LIN37: variants seen among roughly 807,000 people sequenced by gnomAD.
LIN37 encodes the protein protein lin-37 homolog.
A neutral mutation model predicts 38.0 loss-of-function variants in LIN37; 21 were observed. The observed-to-expected ratio is 0.55, with a 90% CI of 0.39 to 0.80. The LOEUF (loss-of-function observed/expected upper bound fraction) is 0.80. LIN37 is among the 30% of genes least tolerant of loss of function. The pLI is 0.00. For missense variants in LIN37, 273 were observed against 338.5 expected (o/e 0.81, Z 1.52); for synonymous variants, 126 against 122.9 (o/e 1.03, Z -0.17).
intron 1 of LIN37, among the ~76,000 whole-genome samples, chr19:35,750,302 TC>T (rs1970664215): frequency 6.6e-6 from 1 of 152,108 alleles, no homozygotes; most frequent in Non-Finnish European, 1.5e-5. Flanking sequence ...GTGGACGTGA[TC>T]CGTACCCTCT....
chr19:35,748,848 T>C, intron 1 of LIN37, 90 bp downstream of exon 1: 1 of 1,607,026 alleles, frequency 6.2e-7, no homozygotes, highest in South Asian at 1.1e-5. Context: ...GAAAGGGGAC[T>C]GCACGACTTT....
Position 35,748,600 on chromosome 19 carries a change from A to T in LIN37, c.-125A>T, listed in dbSNP as rs892997555. ...CACGGTCCAGGCTGGACACAACCAA[A>T]GGCGGAGGACCCGTGGCCCACGAAG... On this transcript the variant is annotated 5_prime_UTR_variant, in exon 1 of 9. In the 5' UTR this introduces an upstream ATG that the reference lacks. Coordinates refer to ENST00000301159, the MANE Select transcript of LIN37 (RefSeq NM_019104.3). 4.8e-5 allele frequency: 65 copies of T among 1,342,518 alleles called. No individual in the cohort carries two copies. In the East Asian group the frequency reaches 1.4e-3, roughly 28 times the overall value. The allele number at this position is 1,342,518 out of a possible 1,614,324, so 83.2% of individuals were successfully genotyped here. A position where few individuals can be genotyped will look rare whatever the true frequency, so the allele number is the denominator to read the frequency against.
intron 6 of LIN37, chr19:35,753,816 G>A (rs1363097757): frequency 8.7e-5 from 50 of 576,632 alleles, no homozygotes; most frequent in South Asian, 1.8e-4. Flanking sequence ...CTGGATAGGA[G>A]AAGACAGGGG....
rs1315920074 is a variant in LIN37 at position 35,753,119 on chromosome 19, G to A, written c.310G>A (p.Val104Met). 3 of 1,605,282 alleles carry A rather than the reference G, an allele frequency of 1.9e-6. No homozygotes were observed. Among genetic ancestry groups the A allele is most frequent in the Non-Finnish European group, 2.6e-6 (3 of 1,176,070 alleles). ...TGTGATCAAGCTGTTCGACCGGAGCGTGGACTTGGCCCAGTTCAGCGAGAA... is the reference window on the plus strand; with the variant it reads ...TGTGATCAAGCTGTTCGACCGGAGCATGGACTTGGCCCAGTTCAGCGAGAA... ...TYVIKLFDRS[V>M]DLAQFSENTP... Residue 104 changes from valine to methionine, a missense_variant, in exon 6 of 9, where the codon GTG becomes ATG. Physicochemically the swap from Val to Met is conservative, Grantham distance 21. Coordinates refer to ENST00000301159, the MANE Select transcript of LIN37 (RefSeq NM_019104.3).
intron 1 of LIN37, among the ~76,000 whole-genome samples, chr19:35,750,058 C>T (rs1458358112): frequency 6.6e-6 from 1 of 151,512 alleles, no homozygotes; most frequent in South Asian, 2.1e-4. Flanking sequence ...GGCAGGGAGC[C>T]AAGGGGGAGC....
In LIN37 at chr19:35,754,260, G is replaced by A. The variant is rs776235867; in HGVS notation, c.600G>A (p.Glu200=). ...GTPDDEPSEP[E]PSPSTLIYRN... ...TGTCCATGCAGCCCTCTGAGCCCGA[G>A]CCCTCACCCTCCACACTCATCTATC... Residue 200 remains glutamate (E), a synonymous_variant, in exon 8 of 9, where the codon GAG becomes GAA. Coordinates refer to ENST00000301159, the MANE Select transcript of LIN37 (RefSeq NM_019104.3). 3.7e-5 allele frequency: 59 copies of A among 1,613,898 alleles called. No homozygotes were observed. The highest frequency in any genetic ancestry group is 3.6e-4 in the East Asian group (16 of 44,902).
Position 35,748,761 on chromosome 19 carries a change from G to A in LIN37, c.34+3G>A. ...GAAGGTGAAAGTGGAGAAATCAGGT[G>A]AGGACCCTGACGTCGGGGGCCTGTC... is the stretch of plus-strand genomic sequence containing the variant. On this transcript the variant is annotated splice_donor_region_variant and intron_variant, in intron 1 of 8. Coordinates refer to ENST00000301159, the MANE Select transcript of LIN37 (RefSeq NM_019104.3). The A allele has an allele frequency of 2.5e-6, 4 of 1,613,912 alleles. No homozygotes were observed. The highest frequency in any genetic ancestry group is 2.2e-5 in the East Asian group (1 of 44,882).
At chr19:35,751,952 TG>T (rs1568402108) in intron 1 of LIN37, 2 of 449,888 alleles carry the variant, frequency 4.4e-6, no homozygotes, top group Non-Finnish European at 4.0e-6. Flanking sequence ...GTAAGGTGAT[TG>T]GCCTTACCTC....
intron 1 of LIN37, 77 bp from the exon 2 acceptor site, chr19:35,752,099 C>G: frequency 8.7e-7 from 1 of 1,145,316 alleles, no homozygotes; most frequent in South Asian, 1.3e-5. Context: ...GACACGCACG[C>G]CCTTCCCTGG....
At chr19:35,750,570 T>C (rs987810226) in intron 1 of LIN37, among the ~76,000 whole-genome samples, 3 of 152,176 alleles carry the variant, frequency 2.0e-5, no homozygotes, top group Admixed American at 6.5e-5. Flanking sequence ...AGTTCTGTGA[T>C]GACGGGAGGC....
chr19:35,749,824 G>GAAAAGAAAA (rs59413476), intron 1 of LIN37, among the ~76,000 whole-genome samples: 44 of 145,568 alleles, frequency 3.0e-4, no homozygotes, highest in Non-Finnish European at 5.7e-4. Context: ...AAAAAAGAAA[G>GAAAAGAAAA]GAAAAGAAAA....
At chr19:35,751,955 C>T (rs1568402109) in intron 1 of LIN37, 2 of 475,850 alleles carry the variant, frequency 4.2e-6, no homozygotes, top group Non-Finnish European at 3.8e-6. Context: ...AGGTGATTGG[C>T]CTTACCTCCT....
At chr19:35,753,046 A>G (rs1237454831) in intron 5 of LIN37, 41 bp from the exon 6 acceptor site, 2 of 1,590,252 alleles carry the variant, frequency 1.3e-6, no homozygotes, top group Non-Finnish European at 1.7e-6. Context: ...CCAAGGGCCT[A>G]TGCAAGGATG....
intron 6 of LIN37, 66 bp downstream of exon 6, chr19:35,753,319 G>A (rs1239107994): frequency 6.6e-7 from 1 of 1,514,670 alleles, no homozygotes; most frequent in Non-Finnish European, 8.9e-7. Flanking sequence ...TAGGCTCAAA[G>A]GATCCTGCCC....
rs1970634494 is a variant in LIN37 at position 35,748,658 on chromosome 19, CT to C, written c.-65del. The C allele has an allele frequency of 6.2e-7, 1 of 1,608,908 alleles. No homozygotes were observed. The highest frequency in any genetic ancestry group is 1.3e-5 in the African/African-American group (1 of 74,932). On this transcript the variant is annotated 5_prime_UTR_variant, in exon 1 of 9. Coordinates refer to ENST00000301159, the MANE Select transcript of LIN37 (RefSeq NM_019104.3). ...TTGAACTGTCCCCGCCTTCTCCCGC[CT>C]TGACTTGTGACCCTAGGCCCTTTGG... is the stretch of plus-strand genomic sequence containing the variant.
chr19:35,753,365 C>T (rs1376708081), intron 6 of LIN37, 112 bp downstream of exon 6: 6 of 1,267,486 alleles, frequency 4.7e-6, no homozygotes, highest in Admixed American at 2.0e-5. Context: ...AGGTCCCTCA[C>T]GTGAATCCTG....
chr19:35,748,934 G>T (rs896860090), intron 1 of LIN37, 176 bp downstream of exon 1: 1 of 1,488,502 alleles, frequency 6.7e-7, no homozygotes, highest in Non-Finnish European at 8.9e-7. Flanking sequence ...CCCGGTGTGC[G>T]CTTGAAGTCG....
intron 1 of LIN37, among the ~76,000 whole-genome samples, chr19:35,751,471 G>C (rs547942294): frequency 3.2e-4 from 48 of 152,284 alleles, no homozygotes; most frequent in Non-Finnish European, 4.4e-5. Flanking sequence ...TCTTTGCTGT[G>C]TGCCTTTGAG....
chr19:35,752,578 C>T lies in LIN37; in HGVS notation c.161+94C>T. 4.3e-6 allele frequency: 6 copies of T among 1,398,552 alleles called. No individual in the cohort carries two copies. In the South Asian group the frequency reaches 6.0e-5, roughly 14 times the overall value. The allele number at this position is 1,398,552 out of a possible 1,614,324, so 86.6% of individuals were successfully genotyped here. A position where few individuals can be genotyped will look rare whatever the true frequency, so the allele number is the denominator to read the frequency against. ...TGACCGCTCAGCCCAGCGCTACCTC[C>T]ATCGTGGCCCGGACCACTCCACCTG... On this transcript the variant is annotated intron_variant, in intron 3 of 8. Transcript: ENST00000301159.
Sources: allele counts gnomAD v4.1 joint callset (sites outside exome capture counted in the v4.1 genomes callset), GRCh38; gene constraint gnomAD v4.1.1; transcripts MANE v1.5; gene names NCBI Gene and HGNC (gene_info 2026-07-23, HGNC 2026-07-21).